The following WDR87 variants were observed in gnomAD, a reference collection of about 807,000 sequenced individuals.
WDR87 encodes the protein WD repeat-containing protein 87.
WDR87 carries 56 observed loss-of-function variants against 83.3 expected under a neutral mutation model. The observed-to-expected ratio is 0.67, with a 90% CI of 0.54 to 0.84. WDR87 has a LOEUF of 0.84. Among genes scored for constraint, WDR87 ranks in the 40% least tolerant of loss-of-function variants. The probability of loss-of-function intolerance (pLI) is 0.00; values close to 1 mark genes in which losing one functional copy is unlikely to be tolerated. For missense variants in WDR87, 2,939 were observed against 3,431.9 expected, an observed-to-expected ratio of 0.86 and a Z score of 3.59; for synonymous variants, 1,173 against 1,250.6, an observed-to-expected ratio of 0.94 and a Z score of 1.31.
intron 3 of WDR87, 127 bp downstream of exon 3, chr19:37,896,008 TGAG>T (rs2046252582): frequency 8.1e-7 from 1 of 1,232,546 alleles, no homozygotes; most frequent in Non-Finnish European, 1.1e-6. Context: ...GGAGAAAGGA[TGAG>T]GAGAGATTTC....
intron 3 of WDR87, 22 bp downstream of exon 3, chr19:37,896,116 A>G (rs1453594711): frequency 6.4e-7 from 1 of 1,552,042 alleles, no homozygotes; most frequent in South Asian, 1.2e-5. Context: ...TGGGCCAAGA[A>G]GGGTAAGAAA....
At position 37,885,991 on chromosome 19, in the gene WDR87, G is replaced by A. The variant is rs1368014574; in HGVS notation, c.7680C>T (p.Ser2560=). Residue 2560 remains serine (S), a synonymous_variant, in exon 6 of 6, where the codon AGC becomes AGT. Coordinates refer to ENST00000447313, the MANE Select transcript of WDR87 (RefSeq NM_001291088.2). The part of the protein sequence containing the change: ...IPAKEQHADV[S]LSDVEWIRHV... ...GGCGGATCCACTCTACATCTGAGAG[G>A]CTTACGTCTGCATGTTGTTCCTTAG... 1.9e-6 allele frequency: 3 copies of A among 1,551,828 alleles called. No individual in the cohort carries two copies. Among genetic ancestry groups the A allele is most frequent in the Admixed American group, 2.0e-5 (1 of 50,988 alleles).
chr19:37,900,647 C>G (rs1286800587), intron 1 of WDR87, among the ~76,000 whole-genome samples: 1 of 151,218 alleles, frequency 6.6e-6, no homozygotes, highest in Non-Finnish European at 1.5e-5. Context: ...GGCTGATGCT[C>G]AGAAGGCTCT....
chr19:37,904,792 G>C (rs888242961), intron 1 of WDR87, among the ~76,000 whole-genome samples: 1 of 152,124 alleles, frequency 6.6e-6, no homozygotes, highest in African/African-American at 2.4e-5. Flanking sequence ...GTATTCCACC[G>C]TGTGGCTGAA....
In WDR87 at chr19:37,889,861, G is replaced by A. The variant is rs143655348; in HGVS notation, c.3810C>T (p.Gly1270=). 8.0e-4 allele frequency: 1,245 copies of A among 1,551,712 alleles called. 9 individuals are homozygous for A. The African/African-American group carries it at 0.015, about 18-fold the overall frequency. The change falls in exon 6 of 6, where the codon GGC becomes GGT. Residue 1270 remains glycine (G), a synonymous_variant. Transcript: ENST00000447313. ...IQGRGASGIS[G]RRSTAGDGSS... is the part of the protein sequence containing the mutation. ...AGCCATCTCCAGCGGTTGACCTGCG[G>A]CCAGATATTCCAGAGGCTCCCCGCC... is the stretch of plus-strand genomic sequence containing the variant.
Position 37,886,669 on chromosome 19 carries a change from CTTCTTTTCCTTT to C in WDR87, c.6990_7001del (p.Lys2333_Glu2336del), listed in dbSNP as rs1568448247. The C allele has an allele frequency of 1.3e-6, 2 of 1,493,364 alleles. No individual in the cohort carries two copies. Among genetic ancestry groups the C allele is most frequent in the Non-Finnish European group, 9.1e-7 (1 of 1,101,314 alleles). The allele number at this position is 1,493,364 out of a possible 1,614,324, so 92.5% of individuals were successfully genotyped here. A position where few individuals can be genotyped will look rare whatever the true frequency, so the allele number is the denominator to read the frequency against. ...CTTCCTTCTCCTGAACCTCCTCCTT[CTTCTTTTCCTTT>C]TTCTTCTTCTTCTTCTCCTCCTCTT... On this transcript the variant is annotated inframe_deletion, in exon 6 of 6. Coordinates refer to ENST00000447313, the MANE Select transcript of WDR87 (RefSeq NM_001291088.2).
At chr19:37,899,150 G>A (rs536463271) in intron 1 of WDR87, among the ~76,000 whole-genome samples, 1 of 152,076 alleles carries the variant, frequency 6.6e-6, no homozygotes, top group South Asian at 2.1e-4. Context: ...TGGGCACCGT[G>A]GCTCACGCCT....
chr19:37,902,932 G>T (rs1270310836), intron 1 of WDR87, among the ~76,000 whole-genome samples: 1 of 152,178 alleles, frequency 6.6e-6, no homozygotes, highest in Non-Finnish European at 1.5e-5. Flanking sequence ...ATATAAAATG[G>T]ATTACAGTGG....
Position 37,890,007 on chromosome 19 carries a change from C to G in WDR87, c.3664G>C (p.Ala1222Pro). The G allele has an allele frequency of 6.4e-7, 1 of 1,551,618 alleles. No homozygotes were observed. The highest frequency in any genetic ancestry group is 8.7e-7 in the Non-Finnish European group (1 of 1,146,976). ...TTCTTTTTGAGTTTCTGAGCTGTTG[C>G]TTTCTTGTCTCTTTTGTCACGTATT... ...QKIRDKRDKK[A>P]TAQKLKKKHK... Residue 1222 changes from alanine (A) to proline (P), a missense_variant, in exon 6 of 6, where the codon GCA becomes CCA. Transcript: ENST00000447313.
Position 37,906,534 on chromosome 19 carries a change from G to A in WDR87, c.-82C>T, listed in dbSNP as rs1181013698. 4 of 152,190 alleles carry A rather than the reference G, an allele frequency of 2.6e-5. No homozygotes were observed. The highest frequency in any genetic ancestry group is 9.7e-5 in the African/African-American group (4 of 41,450). The allele number at this position is 152,190 out of a possible 1,614,324, so 9.4% of individuals were successfully genotyped here. A position where few individuals can be genotyped will look rare whatever the true frequency, so the allele number is the denominator to read the frequency against. On this transcript the variant is annotated 5_prime_UTR_variant, in exon 1 of 6. The change creates a new upstream start codon in the 5' untranslated region. Transcript: ENST00000447313. ...ATTCCCGACAAGGGACGGGTACGGC[G>A]TGTGCACTCAGGAGCTCCTAGAGCT... is the stretch of plus-strand genomic sequence containing the variant.
At position 37,889,142 on chromosome 19, in the gene WDR87, T is replaced by C. The variant is rs1421547439; in HGVS notation, c.4529A>G (p.His1510Arg). The C allele has an allele frequency of 1.0e-5, 16 of 1,552,250 alleles. No individual in the cohort carries two copies. The African/African-American group carries it at 1.6e-4, about 16-fold the overall frequency. ...CTTCCAGGATTTCCTTGTCTCACCATGGACCTGTTTCCACTCATCCCAGGC... is the reference window on the plus strand; with the variant it reads ...CTTCCAGGATTTCCTTGTCTCACCACGGACCTGTTTCCACTCATCCCAGGC... ...KKAWDEWKQV[H>R]GETRKSWKAW... The change falls in exon 6 of 6, where the codon CAT becomes CGT. Residue 1510 changes from histidine to arginine, a missense_variant. Around this residue, in one of 3 missense-constraint regions of WDR87, gnomAD observed 2,160 missense variants for 2,533.1 expected, o/e 0.85. Transcript: ENST00000447313.
Position 37,894,049 on chromosome 19 carries a change from C to A in WDR87, c.1654G>T (p.Ala552Ser). Reference sequence around the variant, plus strand: ...AGGTGACAGCTGCTGAGAATGCTGGCGAGAGGCCGCAGTTGTACTTTGACC... The same window carrying A: ...AGGTGACAGCTGCTGAGAATGCTGGAGAGAGGCCGCAGTTGTACTTTGACC... ...DGVKVQLRPL[A>S]SILSSCHLTH... Residue 552 changes from alanine to serine, a missense_variant, in exon 4 of 6, where the codon GCC becomes TCC. Physicochemically the swap from Ala to Ser is moderately conservative, Grantham distance 99 (BLOSUM62 1). This residue lies in a region of WDR87 where 553 missense variants were observed against 577.9 expected (regional missense o/e 0.96). Coordinates refer to ENST00000447313, the MANE Select transcript of WDR87 (RefSeq NM_001291088.2). 1 of 1,551,894 alleles carries A rather than the reference C, an allele frequency of 6.4e-7. No homozygotes were observed. Among genetic ancestry groups the A allele is most frequent in the Non-Finnish European group, 8.7e-7 (1 of 1,147,056 alleles).
At position 37,890,119 on chromosome 19, in the gene WDR87, A is replaced by C; in HGVS notation, c.3552T>G (p.Ser1184Arg). ...SVYSQWSSST[S>R]VIKLSKDVDS... ...CAACATCTTTTGAGAGCTTTATTAC[A>C]CTGGTGCTTGAAGACCATTGGGAAT... is the stretch of plus-strand genomic sequence containing the variant. The change falls in exon 6 of 6, where the codon AGT (serine) becomes AGG (arginine). Residue 1184 changes from serine (S) to arginine (R), a missense_variant. Physicochemically the swap from Ser to Arg is moderately radical, Grantham distance 110. Around this residue, in one of 3 missense-constraint regions of WDR87, gnomAD observed 2,160 missense variants for 2,533.1 expected, o/e 0.85. Coordinates refer to ENST00000447313, the MANE Select transcript of WDR87 (RefSeq NM_001291088.2). The C allele has an allele frequency of 6.4e-7, 1 of 1,551,924 alleles. No individual in the cohort carries two copies.
In WDR87 at chr19:37,887,177, G is replaced by GA. The variant is rs778163388; in HGVS notation, c.6493dup (p.Ser2165PhefsTer2). ...TTTAGTCAGTTCTGATCGTTTTTCA[G>GA]AAAAATCCCACTCTTTGATATCCAG... is the stretch of plus-strand genomic sequence containing the variant. On this transcript the variant is annotated frameshift_variant, in exon 6 of 6. Coordinates refer to ENST00000447313, the MANE Select transcript of WDR87 (RefSeq NM_001291088.2). LOFTEE classifies it low-confidence loss of function (END_TRUNC). 2 of 1,551,420 alleles carry GA rather than the reference G, an allele frequency of 1.3e-6. No individual in the cohort carries two copies. The highest frequency in any genetic ancestry group is 2.4e-5 in the South Asian group (2 of 84,050).
rs780573095 is a variant in WDR87 at position 37,893,295 on chromosome 19, TA to T, written c.2407del (p.Tyr803IlefsTer26). On this transcript the variant is annotated frameshift_variant, in exon 4 of 6. Coordinates refer to ENST00000447313, the MANE Select transcript of WDR87 (RefSeq NM_001291088.2). LOFTEE classifies it high-confidence loss of function. ...ACCAAAGTAGTATCGCAATATCTGA[TA>T]GGGGTTGAGTCCATCCCAGCTAGTC... is the stretch of plus-strand genomic sequence containing the variant. ...QLTSWDGLNP[Y>X]QILRYYFGHG... 1.3e-6 allele frequency: 2 copies of T among 1,551,448 alleles called. No homozygotes were observed. Among genetic ancestry groups the T allele is most frequent in the South Asian group, 1.2e-5 (1 of 84,060 alleles).
intron 4 of WDR87, 117 bp from the exon 5 acceptor site, chr19:37,891,937 G>T: frequency 8.1e-7 from 1 of 1,240,876 alleles, no homozygotes; most frequent in Non-Finnish European, 1.1e-6. Flanking sequence ...AAGAGAGATG[G>T]CATATGCAGA....
In WDR87 at chr19:37,893,919, C is replaced by T. The variant is rs759097545; in HGVS notation, c.1784G>A (p.Gly595Asp). 22 of 1,551,882 alleles carry T rather than the reference C, an allele frequency of 1.4e-5. No individual in the cohort carries two copies. The highest frequency in any genetic ancestry group is 1.8e-5 in the Non-Finnish European group (21 of 1,147,040). The change falls in exon 4 of 6, where the codon GGC becomes GAC. Residue 595 changes from glycine to aspartate, a missense_variant. This residue lies in a region of WDR87 where 553 missense variants were observed against 577.9 expected (regional missense o/e 0.96). Transcript: ENST00000447313. ...AGGCAGTGTTTCTATGAATTTCAAG[C>T]CATTCTGTGACCCAGAGGACAGAAA... ...HDFLSSGSQN[G>D]LKFIETLPLH...
At chr19:37,892,365 CAGA>C (rs750391191) in intron 4 of WDR87, among the ~76,000 whole-genome samples, 13 of 151,988 alleles carry the variant, frequency 8.6e-5, no homozygotes, top group Non-Finnish European at 1.6e-4. Context: ...GCCTGGGCAA[CAGA>C]GTAAGACCCT....
chr19:37,905,097 T>C (rs1599776711), intron 1 of WDR87, among the ~76,000 whole-genome samples: 1 of 151,994 alleles, frequency 6.6e-6, no homozygotes, highest in Non-Finnish European at 1.5e-5. Flanking sequence ...CTGGGTGTGA[T>C]GGCGCCTGCC....
Sources: allele counts gnomAD v4.1 joint callset (sites outside exome capture counted in the v4.1 genomes callset), GRCh38; gene constraint gnomAD v4.1.1; regional missense constraint gnomAD v4.1.1; transcripts MANE v1.5; gene names NCBI Gene and HGNC (gene_info 2026-07-23, HGNC 2026-07-21).